RYK: variants seen among roughly 807,000 people sequenced by gnomAD.
The protein encoded by RYK is inactive tyrosine-protein kinase RYK.
RYK carries 21 observed loss-of-function variants against 70.2 expected under a neutral mutation model. That is an observed-to-expected ratio of 0.30 (90% CI 0.21 to 0.43). RYK has a LOEUF of 0.43. Among genes scored for constraint, RYK ranks in the 20% least tolerant of loss-of-function variants. RYK has a pLI of 1.00. For synonymous variants in RYK, 267 were observed against 278.0 expected (o/e 0.96, Z 0.39); for missense variants, 604 against 753.3 (o/e 0.80, Z 2.32).
At chr3:134,213,995 C>T (rs767663668) in intron 2 of RYK, among the ~76,000 whole-genome samples, 2 of 152,002 alleles carry the variant, frequency 1.3e-5, no homozygotes, top group Non-Finnish European at 2.9e-5. Context: ...TTAGTAGAGA[C>T]GAGATTTCAC....
chr3:134,165,171 T>A (rs2012617765), intron 13 of RYK, among the ~76,000 whole-genome samples: 1 of 152,218 alleles, frequency 6.6e-6, no homozygotes, highest in Non-Finnish European at 1.5e-5. Flanking sequence ...TAAACTTTTT[T>A]AAAACTTTAT....
intron 1 of RYK, among the ~76,000 whole-genome samples, chr3:134,248,619 C>A (rs944658749): frequency 6.6e-6 from 1 of 152,004 alleles, no homozygotes; most frequent in African/African-American, 2.4e-5. Context: ...GAGTTCAAGA[C>A]CAGCCTGACC....
rs1262249876 is a variant in RYK at position 134,202,787 on chromosome 3, G to A, written c.731C>T (p.Ala244Val). The change falls in exon 6 of 15, where the codon GCA (alanine) becomes GTA (valine). Residue 244 changes from alanine to valine, a missense_variant. Ala to Val is a moderately conservative substitution (Grantham distance 64). Coordinates refer to ENST00000623711, the MANE Select transcript of RYK (RefSeq NM_002958.4). Reference sequence around the variant, plus strand: ...AAGGTGCAAAACAGCTAATATTATTGCTACGAGAAATATTACTGCACAACA... The same window carrying A: ...AAGGTGCAAAACAGCTAATATTATTACTACGAGAAATATTACTGCACAACA... ...GVCCAVIFLV[A>V]IILAVLHLHS... 1.2e-6 allele frequency: 2 copies of A among 1,611,936 alleles called. No individual in the cohort carries two copies. The highest frequency in any genetic ancestry group is 2.2e-5 in the East Asian group (1 of 44,832).
rs183864958 is a variant in RYK at position 134,233,465 on chromosome 3, C to T, written c.233-10926G>A. On this transcript the variant is annotated intron_variant, in intron 1 of 14. Transcript: ENST00000623711. ...ACTCTTTGACCCAATAATTCCATTACTAAAATCCATCTTAAGGAAACGAAA... is the reference window on the plus strand; with the variant it reads ...ACTCTTTGACCCAATAATTCCATTATTAAAATCCATCTTAAGGAAACGAAA... 3.9e-5 allele frequency among the ~76,000 whole-genome samples: 6 copies of T among 152,224 alleles called. No homozygotes were observed. In the Middle Eastern group the frequency reaches 0.01, roughly 259 times the overall value.
rs777058441 is a variant in RYK, at chr3:134,209,684, A to G, written c.589+11T>C. 2 of 1,440,842 alleles carry G rather than the reference A, an allele frequency of 1.4e-6. No individual in the cohort carries two copies. The highest frequency in any genetic ancestry group is 3.0e-5 in the African/African-American group (2 of 67,700). The allele number at this position is 1,440,842 out of a possible 1,614,324, so 89.3% of individuals were successfully genotyped here. ...ACATGTAAAACATATTTTGGTAAAT[A>G]AATTCCTTACTTTTGTAGCACATTT... On this transcript the variant is annotated intron_variant, in intron 4 of 14. Coordinates refer to ENST00000623711, the MANE Select transcript of RYK (RefSeq NM_002958.4).
intron 2 of RYK, among the ~76,000 whole-genome samples, chr3:134,219,923 T>C (rs550563966): frequency 1.3e-5 from 2 of 152,332 alleles, no homozygotes; most frequent in African/African-American, 4.8e-5. Context: ...TTTTAAAAGA[T>C]AGTTTCAAAT....
intron 6 of RYK, 64 bp downstream of exon 6, chr3:134,202,666 G>T: frequency 6.9e-7 from 1 of 1,449,216 alleles, no homozygotes; most frequent in Admixed American, 1.9e-5. Flanking sequence ...CGATGTGTAT[G>T]GGCTCCCACA....
intron 2 of RYK, among the ~76,000 whole-genome samples, chr3:134,216,792 C>CAAAAAAAAAAAAAAAAAAA (rs61441674): frequency 5.3e-5 from 2 of 37,426 alleles, no homozygotes; most frequent in African/African-American, 1.0e-4. Context: ...GACTCTGTCT[C>CAAAAAAAAAAAAAAAAAAA]AAAAAAAAAA....
intron 6 of RYK, among the ~76,000 whole-genome samples, chr3:134,201,998 C>CTTT (rs780115903): frequency 2.2e-4 from 34 of 152,182 alleles, no homozygotes; most frequent in Non-Finnish European, 3.7e-4. Flanking sequence ...GGACAAGCAC[C>CTTT]TTTTGTATTC....
intron 13 of RYK, among the ~76,000 whole-genome samples, chr3:134,166,434 C>T (rs1406018799): frequency 2.6e-5 from 4 of 152,164 alleles, no homozygotes; most frequent in Admixed American, 6.5e-5. Flanking sequence ...GTTACAGTGG[C>T]TCCAATACAC....
chr3:134,202,997 G>A, intron 5 of RYK, 123 bp from the exon 6 acceptor site: 2 of 726,304 alleles, frequency 2.8e-6, no homozygotes, highest in Non-Finnish European at 4.4e-6. Flanking sequence ...TCAGTTACCA[G>A]TAGCATATTG....
chr3:134,245,473 T>C (rs957380066), intron 1 of RYK, among the ~76,000 whole-genome samples: 9 of 151,960 alleles, frequency 5.9e-5, no homozygotes, highest in South Asian at 2.1e-4. Flanking sequence ...GGCAAAGTAC[T>C]TGAAGGAATG....
At chr3:134,181,370 G>A (rs933178855) in intron 10 of RYK, 2 of 152,140 alleles carry the variant, frequency 1.3e-5, no homozygotes, top group African/African-American at 2.4e-5. Flanking sequence ...GCTAGGAGGT[G>A]TTTTATGTTC....
intron 13 of RYK, among the ~76,000 whole-genome samples, chr3:134,174,373 ATAAT>A (rs1449875910): frequency 6.6e-6 from 1 of 152,246 alleles, no homozygotes; most frequent in Non-Finnish European, 1.5e-5. Context: ...ACCAATTAAT[ATAAT>A]TAATTAGCGT....
chr3:134,164,050 G>A (rs978752917), intron 13 of RYK, among the ~76,000 whole-genome samples: 1 of 152,080 alleles, frequency 6.6e-6, no homozygotes, highest in Non-Finnish European at 1.5e-5. Flanking sequence ...TGGCCAGGCT[G>A]GTCTCGAACT....
chr3:134,172,953 C>G (rs1472453360), intron 13 of RYK, among the ~76,000 whole-genome samples: 1 of 152,170 alleles, frequency 6.6e-6, no homozygotes, highest in Non-Finnish European at 1.5e-5. Context: ...GGTTGTCATT[C>G]AGTGTTAGCT....
At chr3:134,241,555 C>T (rs2015327747) in intron 1 of RYK, among the ~76,000 whole-genome samples, 1 of 152,134 alleles carries the variant, frequency 6.6e-6, no homozygotes, top group African/African-American at 2.4e-5. Context: ...AAAACCTGTA[C>T]CTCCTGTAAT....
intron 8 of RYK, 99 bp downstream of exon 8, chr3:134,191,750 G>C (rs995457362): frequency 5.4e-6 from 5 of 923,016 alleles, no homozygotes; most frequent in Non-Finnish European, 7.9e-6. Context: ...CCTTATCTTA[G>C]ACACAAAATG....
rs1011047605 is a variant in RYK at position 134,159,102 on chromosome 3, A to T, written c.1712+135T>A. The T allele has an allele frequency of 1.3e-5, 12 of 925,764 alleles. No individual in the cohort carries two copies. The Admixed American group carries it at 1.7e-4, about 13-fold the overall frequency. 57.3% of individuals were successfully genotyped at this position (925,764 alleles called of 1,614,324 possible). A position where few individuals can be genotyped will look rare whatever the true frequency, so the allele number is the denominator to read the frequency against. Reference sequence around the variant, plus strand: ...CCCTGACTTTGTGGTTTTTTATAAGAGTCTAATTTAAATCCAAAGAGTCAT... The same window carrying T: ...CCCTGACTTTGTGGTTTTTTATAAGTGTCTAATTTAAATCCAAAGAGTCAT... On this transcript the variant is annotated intron_variant, in intron 14 of 14. Coordinates refer to ENST00000623711, the MANE Select transcript of RYK (RefSeq NM_002958.4).
Sources: allele counts gnomAD v4.1 joint callset (sites outside exome capture counted in the v4.1 genomes callset), GRCh38; gene constraint gnomAD v4.1.1; transcripts MANE v1.5; gene names NCBI Gene and HGNC (gene_info 2026-07-23, HGNC 2026-07-21).